GARNL3: variants seen among roughly 807,000 people sequenced by gnomAD.
GARNL3 encodes the protein GTPase activating Rap/RanGAP domain like 3, also known as GTPase-activating Rap/Ran-GAP domain-like protein 3.
A neutral mutation model predicts 125.0 loss-of-function variants in GARNL3; 63 were observed. The ratio of observed to expected loss-of-function variants is 0.50; its 90% CI spans 0.41 to 0.62. GARNL3 has a LOEUF of 0.62. Among genes scored for constraint, GARNL3 ranks in the 20% least tolerant of loss-of-function variants. The pLI, the probability that GARNL3 is intolerant of heterozygous loss-of-function variation, is 0.00. For missense variants in GARNL3, 994 were observed against 1,244.0 expected, an observed-to-expected ratio of 0.80 and a Z score of 3.02; for synonymous variants, 439 against 457.5, an observed-to-expected ratio of 0.96 and a Z score of 0.52.
intron 3 of GARNL3, among the ~76,000 whole-genome samples, 194 bp downstream of exon 3, chr9:127,311,929 CATAGTT>C (rs2131467401): frequency 6.6e-6 from 1 of 152,208 alleles, no homozygotes; most frequent in South Asian, 2.1e-4. Context: ...AGTTTTTGCT[CATAGTT>C]TCCTTTTTTT....
chr9:127,225,644 C>A (rs889836262), intron 1 of GARNL3, among the ~76,000 whole-genome samples: 2 of 151,168 alleles, frequency 1.3e-5, no homozygotes, highest in African/African-American at 2.4e-5. Flanking sequence ...AGGCCCCGCA[C>A]GCCCGCGGCT....
intron 1 of GARNL3, among the ~76,000 whole-genome samples, chr9:127,234,917 G>A (rs952275740): frequency 1.3e-5 from 2 of 152,116 alleles, no homozygotes; most frequent in African/African-American, 2.4e-5. Context: ...ATACTACCAC[G>A]TTGGGGATTA....
intron 2 of GARNL3, among the ~76,000 whole-genome samples, chr9:127,305,020 G>A (rs1026999847): frequency 4.6e-5 from 7 of 152,188 alleles, no homozygotes; most frequent in African/African-American, 1.7e-4. Flanking sequence ...ATAAACGCCT[G>A]ACTCAAATAC....
At chr9:127,257,550 C>T (rs2063514422) in intron 2 of GARNL3, among the ~76,000 whole-genome samples, 1 of 152,150 alleles carries the variant, frequency 6.6e-6, no homozygotes, top group African/African-American at 2.4e-5. Context: ...TGCTAGTGAA[C>T]CACATAAATT....
At chr9:127,382,099 G>A (rs536778866) in intron 22 of GARNL3, among the ~76,000 whole-genome samples, 2 of 152,102 alleles carry the variant, frequency 1.3e-5, no homozygotes, top group African/African-American at 4.8e-5. Context: ...TCAGGAGTTC[G>A]ACACCAGCCT....
intron 2 of GARNL3, among the ~76,000 whole-genome samples, chr9:127,309,540 A>G (rs372796033): frequency 2.6e-5 from 4 of 152,358 alleles, no homozygotes; most frequent in African/African-American, 9.6e-5. Flanking sequence ...CTATAGATCT[A>G]TCACACAAAT....
At chr9:127,261,656 G>A (rs112625678), upstream of GARNL3, among the ~76,000 whole-genome samples, 181 of 152,022 alleles carry the variant, frequency 1.2e-3, 1 homozygote, top group African/African-American at 4.2e-3. Context: ...CAGGTGATCC[G>A]CCCCCTTCGG....
At chr9:127,383,711 TC>T (rs756422578) in intron 23 of GARNL3, among the ~76,000 whole-genome samples, 166 bp downstream of exon 23, 26 of 152,216 alleles carry the variant, frequency 1.7e-4, no homozygotes, top group Non-Finnish European at 3.8e-4. Context: ...TTATTTTTGT[TC>T]CCCTTTTGGG....
intron 1 of GARNL3, among the ~76,000 whole-genome samples, chr9:127,276,310 A>C (rs1439616163): frequency 6.6e-6 from 1 of 151,782 alleles, no homozygotes; most frequent in African/African-American, 2.4e-5. Context: ...GCCCTGTTAA[A>C]ATTTTCTCCT....
chr9:127,322,622 G>T (rs2065438161), intron 6 of GARNL3, among the ~76,000 whole-genome samples: 1 of 152,204 alleles, frequency 6.6e-6, no homozygotes, highest in African/African-American at 2.4e-5. Flanking sequence ...GCTCAGAGAT[G>T]CAGGGTGAAG....
chr9:127,384,915 A>T lies in GARNL3; in HGVS notation c.2270-112A>T. On this transcript the variant is annotated intron_variant, in intron 23 of 27. Transcript: ENST00000373387. This position sits in a 1 kb window ranked among gnomAD's most constrained non-coding sequence, Gnocchi z 4.0. Reference sequence around the variant, plus strand: ...GTGAAGGAAGGAGAGAAGCAGCCAGAGGAATGAGAGATGGAAGTTTCTAGA... The same window carrying T: ...GTGAAGGAAGGAGAGAAGCAGCCAGTGGAATGAGAGATGGAAGTTTCTAGA... The T allele has an allele frequency of 1.7e-6, 1 of 587,072 alleles. No individual in the cohort carries two copies. Among genetic ancestry groups the T allele is most frequent in the Non-Finnish European group, 3.1e-6 (1 of 326,892 alleles). 36.4% of individuals were successfully genotyped at this position (587,072 alleles called of 1,614,324 possible). A position where few individuals can be genotyped will look rare whatever the true frequency, so the allele number is the denominator to read the frequency against.
intron 1 of GARNL3, among the ~76,000 whole-genome samples, chr9:127,265,872 C>T (rs1004513171): frequency 6.6e-6 from 1 of 152,076 alleles, no homozygotes; most frequent in Non-Finnish European, 1.5e-5. Flanking sequence ...AAATTTATAG[C>T]GGAGTTGTGT....
intron 22 of GARNL3, among the ~76,000 whole-genome samples, chr9:127,372,824 T>C (rs1831681650): frequency 6.6e-6 from 1 of 152,218 alleles, no homozygotes; most frequent in Non-Finnish European, 1.5e-5. Flanking sequence ...AAACCCTCTG[T>C]GTTGATTGCC....
chr9:127,238,661 T>C (rs896848367), intron 1 of GARNL3, among the ~76,000 whole-genome samples: 1 of 152,232 alleles, frequency 6.6e-6, no homozygotes, highest in African/African-American at 2.4e-5. Flanking sequence ...TCCTACCTTA[T>C]TCTGGGATAT....
rs183008946 is a variant in GARNL3 at position 127,355,330 on chromosome 9, G to A, written c.1793G>A (p.Ser598Asn). The stretch of plus-strand genomic sequence containing the variant: ...CTGTATGCTATTAACACTCACCACA[G>A]CAGAGAGCTGAGGATTGTGGTTGCA... The part of the protein sequence containing the change: ...CHLYAINTHH[S>N]RELRIVVAIR... Residue 598 changes from serine (S) to asparagine (N), a missense_variant, in exon 20 of 28, where the codon AGC becomes AAC. Coordinates refer to ENST00000373387, the MANE Select transcript of GARNL3 (RefSeq NM_032293.5). 339 of 1,614,192 alleles carry A rather than the reference G, an allele frequency of 2.1e-4. 1 individual carries two copies. Among genetic ancestry groups the A allele is most frequent in the Non-Finnish European group, 8.4e-5 (99 of 1,180,028 alleles).
chr9:127,374,896 G>C (rs1291278759), intron 22 of GARNL3, among the ~76,000 whole-genome samples: 1 of 134,990 alleles, frequency 7.4e-6, no homozygotes, highest in African/African-American at 2.8e-5. Context: ...AGTATCATGA[G>C]ACTCCATCTC....
intron 1 of GARNL3, among the ~76,000 whole-genome samples, chr9:127,286,622 A>G (rs1171989089): frequency 6.6e-6 from 1 of 152,190 alleles, no homozygotes; most frequent in African/African-American, 2.4e-5. Flanking sequence ...TTTGAAATTC[A>G]GTAATTACAC....
chr9:127,386,605 G>T (rs890811078), intron 24 of GARNL3, among the ~76,000 whole-genome samples: 8 of 152,226 alleles, frequency 5.3e-5, no homozygotes, highest in African/African-American at 1.9e-4. Flanking sequence ...ATTAGGAATG[G>T]CTGGATTTGG....
intron 1 of GARNL3, among the ~76,000 whole-genome samples, chr9:127,225,897 C>G (rs2062904281): frequency 6.6e-6 from 1 of 151,668 alleles, no homozygotes; most frequent in Non-Finnish European, 1.5e-5. Flanking sequence ...CGCCCCTAGG[C>G]TGCTCTTCCC....
Sources: allele counts gnomAD v4.1 joint callset (sites outside exome capture counted in the v4.1 genomes callset), GRCh38; gene constraint gnomAD v4.1.1; non-coding constraint Gnocchi (gnomAD v3.1); transcripts MANE v1.5; gene names NCBI Gene and HGNC (gene_info 2026-07-23, HGNC 2026-07-21).